Variants in CTNNA2 observed in about 807,000 individuals in gnomAD.
CTNNA2 encodes catenin alpha-2.
Under a neutral mutation model 101.0 loss-of-function variants are expected in CTNNA2, and 42 were observed. That is an observed-to-expected ratio of 0.42 (90% CI 0.32 to 0.54). CTNNA2 has a LOEUF of 0.54. Among genes scored for constraint, CTNNA2 ranks in the 20% least tolerant of loss-of-function variants. The pLI, the probability that CTNNA2 is intolerant of heterozygous loss-of-function variation, is 0.14. For synonymous variants in CTNNA2, 450 were observed against 456.4 expected (o/e 0.99, Z 0.18); for missense variants, 871 against 1,223.1 (o/e 0.71, Z 4.29).
chr2:79,648,444 G>T (rs1041496021), intron 1 of CTNNA2, among the ~76,000 whole-genome samples: 2 of 152,070 alleles, frequency 1.3e-5, no homozygotes, highest in Non-Finnish European at 2.9e-5. Flanking sequence ...ATTCCAATTG[G>T]CCAAGGGATT....
chr2:79,911,037 T>A (rs1356954902), intron 7 of CTNNA2, among the ~76,000 whole-genome samples: 1 of 152,194 alleles, frequency 6.6e-6, no homozygotes, highest in East Asian at 1.9e-4. Context: ...AAGAATAAAA[T>A]GTGGATGCAT....
chr2:79,823,098 T>C (rs1678146579), intron 3 of CTNNA2, among the ~76,000 whole-genome samples: 1 of 152,216 alleles, frequency 6.6e-6, no homozygotes. Flanking sequence ...GCTCCCATCA[T>C]AGCATCATAA....
At chr2:80,266,725 G>A (rs1243860156) in intron 7 of CTNNA2, among the ~76,000 whole-genome samples, 4 of 152,172 alleles carry the variant, frequency 2.6e-5, no homozygotes, top group African/African-American at 9.7e-5. Context: ...TACTTGTGAA[G>A]TTGTCAGTAC....
chr2:80,561,222 T>C (rs1164115197), intron 12 of CTNNA2, among the ~76,000 whole-genome samples: 1 of 152,132 alleles, frequency 6.6e-6, no homozygotes, highest in Non-Finnish European at 1.5e-5. Context: ...TATTAAGTAT[T>C]AGAGATAGGA....
intron 2 of CTNNA2, among the ~76,000 whole-genome samples, chr2:79,652,158 T>C (rs1681301380): frequency 6.6e-6 from 1 of 152,170 alleles, no homozygotes; most frequent in South Asian, 2.1e-4. Flanking sequence ...TCATCAGGAT[T>C]TTTAAGTGTT....
chr2:80,066,098 C>A (rs909312358), intron 7 of CTNNA2, among the ~76,000 whole-genome samples: 3 of 152,172 alleles, frequency 2.0e-5, no homozygotes, highest in Non-Finnish European at 2.9e-5. Flanking sequence ...CTTATGGCAT[C>A]CAGACTTTTG....
intron 4 of CTNNA2, among the ~76,000 whole-genome samples, chr2:79,859,458 A>C (rs1681414083): frequency 6.6e-6 from 1 of 152,126 alleles, no homozygotes; most frequent in South Asian, 2.1e-4. Flanking sequence ...CAAGATTTCC[A>C]AATTATGTAT....
chr2:79,847,211 C>T (rs1040115764), intron 3 of CTNNA2, among the ~76,000 whole-genome samples: 2 of 151,988 alleles, frequency 1.3e-5, no homozygotes, highest in Admixed American at 1.3e-4. Context: ...TTCAGAAGAG[C>T]GTATCAAAGA....
intron 3 of CTNNA2, among the ~76,000 whole-genome samples, chr2:79,327,144 T>C (rs550056574): frequency 6.6e-6 from 1 of 152,328 alleles, no homozygotes; most frequent in South Asian, 2.1e-4. Flanking sequence ...AATATAACTC[T>C]ACTATCTTTG....
At chr2:80,516,217 C>T (rs1277417127) in intron 9 of CTNNA2, among the ~76,000 whole-genome samples, 3 of 152,208 alleles carry the variant, frequency 2.0e-5, no homozygotes. Flanking sequence ...TTGCCTTTGG[C>T]CACCTCATGC....
chr2:79,896,204 G>A (rs1222793210), intron 6 of CTNNA2, among the ~76,000 whole-genome samples: 2 of 151,960 alleles, frequency 1.3e-5, no homozygotes, highest in African/African-American at 4.8e-5. Flanking sequence ...GATCACTTGA[G>A]CCTGGCAGGC....
chr2:80,204,337 C>T (rs1707395250), intron 7 of CTNNA2, among the ~76,000 whole-genome samples: 1 of 152,264 alleles, frequency 6.6e-6, no homozygotes, highest in African/African-American at 2.4e-5. Flanking sequence ...CTGTCTTTCC[C>T]CTTTAAAACT....
intron 3 of CTNNA2, among the ~76,000 whole-genome samples, chr2:79,358,014 T>C (rs1034476113): frequency 5.3e-5 from 8 of 152,114 alleles, no homozygotes; most frequent in African/African-American, 1.7e-4. Flanking sequence ...TATTTTTCCA[T>C]AGGATTTCAT....
At chr2:79,470,295 G>A (rs940961246) in intron 4 of CTNNA2, among the ~76,000 whole-genome samples, 1 of 152,098 alleles carries the variant, frequency 6.6e-6, no homozygotes, top group Non-Finnish European at 1.5e-5. Flanking sequence ...TTGAACCCAG[G>A]AGTTTAAGTC....
intron 7 of CTNNA2, among the ~76,000 whole-genome samples, chr2:80,206,471 G>T (rs543474904): frequency 5.3e-5 from 8 of 152,316 alleles, no homozygotes; most frequent in African/African-American, 1.4e-4. Flanking sequence ...CACATCCAAT[G>T]TTCTTTAACA....
intron 7 of CTNNA2, among the ~76,000 whole-genome samples, chr2:80,204,315 C>G (rs1180975624): frequency 6.6e-6 from 1 of 152,284 alleles, no homozygotes; most frequent in Admixed American, 6.5e-5. Context: ...GCAAACTTCC[C>G]AAACGTTTAT....
At chr2:80,210,404 C>T (rs528510821) in intron 7 of CTNNA2, among the ~76,000 whole-genome samples, 8 of 152,230 alleles carry the variant, frequency 5.3e-5, no homozygotes, top group African/African-American at 1.9e-4. Context: ...TGATGTTCCC[C>T]ACCCTATGTC....
intron 2 of CTNNA2, among the ~76,000 whole-genome samples, chr2:79,718,116 G>A (rs188425851): frequency 1.3e-5 from 2 of 152,188 alleles, no homozygotes. Flanking sequence ...AAAAAAGTCA[G>A]CAGATGTGAT....
intron 2 of CTNNA2, chr2:79,687,567 A>ATTT: frequency 1.4e-6 from 1 of 693,342 alleles, no homozygotes; most frequent in Non-Finnish European, 2.7e-6. Context: ...CTTGCAGTGC[A>ATTT]TTTTTTTTTC....
Sources: gnomAD v4.1 joint callset for allele counts (sites outside exome capture counted in the v4.1 genomes callset) on GRCh38, gnomAD v4.1.1 for gene constraint, MANE v1.5 for transcripts, NCBI Gene and HGNC (gene_info 2026-07-23, HGNC 2026-07-21) for gene names.